ASH1L: variants seen among roughly 807,000 people sequenced by gnomAD.
ASH1L encodes histone-lysine N-methyltransferase ASH1L.
In ASH1L, 23 loss-of-function variants were observed where a neutral mutation model predicts 269.0. That is an observed-to-expected ratio of 0.09 (90% CI 0.06 to 0.12). The LOEUF is 0.12. Among genes scored for constraint, ASH1L ranks in the 10% least tolerant of loss-of-function variants. The pLI is 1.00. For missense variants in ASH1L, 2,912 were observed against 3,567.8 expected, an observed-to-expected ratio of 0.82 and a Z score of 4.68; for synonymous variants, 1,187 against 1,253.5, an observed-to-expected ratio of 0.95 and a Z score of 1.12.
At chr1:155,555,648 T>C (rs1671537146) in intron 1 of ASH1L, among the ~76,000 whole-genome samples, 1 of 152,212 alleles carries the variant, frequency 6.6e-6, no homozygotes, top group Non-Finnish European at 1.5e-5. Flanking sequence ...TGATAAGCTA[T>C]TCTGAATAGC....
intron 19 of ASH1L, among the ~76,000 whole-genome samples, chr1:155,348,943 CACAT>C (rs201682715): frequency 2.5e-4 from 37 of 149,032 alleles, no homozygotes; most frequent in African/African-American, 8.9e-4. Flanking sequence ...CACACACACA[CACAT>C]ATAAACATTT....
intron 1 of ASH1L, among the ~76,000 whole-genome samples, chr1:155,558,832 C>G (rs1671770879): frequency 6.6e-6 from 1 of 151,110 alleles, no homozygotes; most frequent in South Asian, 2.1e-4. Flanking sequence ...ATGCCAGGCC[C>G]TAGGCCCCTT....
intron 7 of ASH1L, among the ~76,000 whole-genome samples, chr1:155,383,587 A>G (rs569121160): frequency 3.9e-5 from 6 of 152,362 alleles, no homozygotes; most frequent in African/African-American, 1.4e-4. Context: ...TTGCATAATT[A>G]TAAGATTGCC....
intron 6 of ASH1L, among the ~76,000 whole-genome samples, chr1:155,397,629 G>A (rs952653773): frequency 2.0e-5 from 3 of 152,102 alleles, no homozygotes; most frequent in Non-Finnish European, 4.4e-5. Context: ...TTGGTTCACT[G>A]CAACTCTGCC....
At chr1:155,507,436 C>T (rs999099637) in intron 2 of ASH1L, among the ~76,000 whole-genome samples, 1 of 152,152 alleles carries the variant, frequency 6.6e-6, no homozygotes, top group African/African-American at 2.4e-5. Context: ...ACTTGTAATT[C>T]ATTGTGCTCA....
At chr1:155,468,540 A>C (rs752284514) in intron 3 of ASH1L, among the ~76,000 whole-genome samples, 2 of 152,272 alleles carry the variant, frequency 1.3e-5, no homozygotes, top group South Asian at 2.1e-4. Context: ...CATTTATTTA[A>C]ATCAACATGG....
At chr1:155,499,133 C>A (rs1667345532) in intron 2 of ASH1L, among the ~76,000 whole-genome samples, 1 of 151,958 alleles carries the variant, frequency 6.6e-6, no homozygotes, top group Non-Finnish European at 1.5e-5. Context: ...CTCATAGGAT[C>A]AAGAGTAAGC....
chr1:155,530,306 T>C (rs1306939684), intron 1 of ASH1L, among the ~76,000 whole-genome samples: 2 of 152,202 alleles, frequency 1.3e-5, no homozygotes, highest in Non-Finnish European at 2.9e-5. Flanking sequence ...GAAATAGACT[T>C]ATCAGTTTGG....
In ASH1L at chr1:155,478,421, G is replaced by A. The variant is rs1334595731; in HGVS notation, c.4449C>T (p.His1483=). ...GTTCTCTGTGTTTGTGACGGTGCCT[G>A]TGTTTGTGCTCAACCATCCAACCAT... ...MAYGWMVEHK[H]RHRHKHREHR... Residue 1483 remains histidine, a synonymous_variant, in exon 3 of 28, where the codon CAC becomes CAT. Coordinates refer to ENST00000392403, the MANE Select transcript of ASH1L (RefSeq NM_018489.3). This position sits in a 1 kb window ranked among gnomAD's most constrained non-coding sequence, Gnocchi z 4.6. 4 of 1,614,022 alleles carry A rather than the reference G, an allele frequency of 2.5e-6. No homozygotes were observed. Among genetic ancestry groups the A allele is most frequent in the Non-Finnish European group, 3.4e-6 (4 of 1,180,036 alleles).
Position 155,378,327 on chromosome 1 carries a change from G to T in ASH1L, c.6286C>A (p.Pro2096Thr), listed in dbSNP as rs1656644363. 6.2e-7 allele frequency: 1 copy of T among 1,614,134 alleles called. No homozygotes were observed. Among genetic ancestry groups the T allele is most frequent in the Non-Finnish European group, 8.5e-7 (1 of 1,180,010 alleles). ...CAGCCCTTCCTGGTGTCATCATCTG[G>T]CTTCTTACAGTTACAGGTGGTAGCT... ...YEATTCNCKK[P>T]DDDTRKGCVD... The change falls in exon 10 of 28, where the codon CCA becomes ACA. Residue 2096 changes from proline (P) to threonine (T), a missense_variant. This residue lies in a region of ASH1L where 193 missense variants were observed against 311.6 expected (regional missense o/e 0.62). Transcript: ENST00000392403.
intron 1 of ASH1L, among the ~76,000 whole-genome samples, chr1:155,549,141 G>A (rs759865544): frequency 2.0e-5 from 3 of 152,084 alleles, no homozygotes; most frequent in Non-Finnish European, 2.9e-5. Context: ...CAGGGAGGTC[G>A]AGACGAACCT....
Position 155,480,923 on chromosome 1 carries a change from G to A in ASH1L, c.1947C>T (p.Ser649=), listed in dbSNP as rs146736660. 3 of 1,613,708 alleles carry A rather than the reference G, an allele frequency of 1.9e-6. No homozygotes were observed. The highest frequency in any genetic ancestry group is 1.3e-5 in the African/African-American group (1 of 74,860). ...AAGTCAAACTTGGCTTTTTTCCAAG[G>A]GAAGAGCTTATTCTTGGAATATCTA... ...THIDIPRISS[S]LGKKPSLTSE... The change falls in exon 3 of 28, where the codon TCC becomes TCT. Residue 649 remains serine, a synonymous_variant. Transcript: ENST00000392403.
chr1:155,545,175 C>CA (rs10624841), intron 1 of ASH1L, among the ~76,000 whole-genome samples: 789 of 21,778 alleles, frequency 0.036, 285 homozygotes, highest in Middle Eastern at 0.17. Flanking sequence ...TCCATCTCAC[C>CA]AAAAAAAAAA....
chr1:155,504,747 G>A (rs145192881), intron 2 of ASH1L, among the ~76,000 whole-genome samples: 3,091 of 151,736 alleles, frequency 0.02, 103 homozygotes, highest in African/African-American at 0.071. Flanking sequence ...CCAGCTACTC[G>A]GGAGGCTGAG....
intron 2 of ASH1L, among the ~76,000 whole-genome samples, chr1:155,505,584 C>T (rs1017750999): frequency 1.3e-5 from 2 of 152,038 alleles, no homozygotes; most frequent in Admixed American, 6.6e-5. Flanking sequence ...ACGAAAGATA[C>T]AAATTTAAGA....
chr1:155,532,842 T>TAC (rs1669766968), intron 1 of ASH1L, among the ~76,000 whole-genome samples: 1 of 147,348 alleles, frequency 6.8e-6, no homozygotes, highest in African/African-American at 2.5e-5. Flanking sequence ...AAAAAAATTA[T>TAC]ATATATATAT....
chr1:155,357,078 T>TACAC (rs61213200), intron 15 of ASH1L, among the ~76,000 whole-genome samples: 13,136 of 52,896 alleles, frequency 0.25, 1,846 homozygotes, highest in Non-Finnish European at 0.3. Context: ...ATCCCAGCTC[T>TACAC]ACACACACAC....
chr1:155,505,653 G>A (rs1667767389), intron 2 of ASH1L, among the ~76,000 whole-genome samples: 1 of 152,022 alleles, frequency 6.6e-6, no homozygotes, highest in African/African-American at 2.4e-5. Flanking sequence ...TCGTAACTCT[G>A]TATACACTTA....
chr1:155,398,264 G>A (rs1658530163), intron 6 of ASH1L, among the ~76,000 whole-genome samples: 2 of 152,158 alleles, frequency 1.3e-5, no homozygotes, highest in Non-Finnish European at 1.5e-5. Context: ...CACAGAAACT[G>A]TTTTGGATAG....
Sources: allele counts gnomAD v4.1 joint callset (sites outside exome capture counted in the v4.1 genomes callset), GRCh38; gene constraint gnomAD v4.1.1; regional missense constraint gnomAD v4.1.1; non-coding constraint Gnocchi (gnomAD v3.1); transcripts MANE v1.5; gene names NCBI Gene and HGNC (gene_info 2026-07-23, HGNC 2026-07-21).